The following WIPF2 variants were observed in gnomAD, a reference collection of about 807,000 sequenced individuals.
WIPF2 encodes WAS/WASL interacting protein family member 2, also known as WAS/WASL-interacting protein family member 2.
Under a neutral mutation model 38.8 loss-of-function variants are expected in WIPF2, and 23 were observed. That is an observed-to-expected ratio of 0.59 (90% CI 0.43 to 0.84). The LOEUF is 0.84. Among genes scored for constraint, WIPF2 ranks in the 40% least tolerant of loss-of-function variants. WIPF2 has a pLI of 0.00. For missense variants in WIPF2, 574 were observed against 580.5 expected (o/e 0.99, Z 0.11); for synonymous variants, 210 against 223.2 (o/e 0.94, Z 0.53).
At chr17:40,270,198 TC>T (rs1310654024) in intron 5 of WIPF2, among the ~76,000 whole-genome samples, 1 of 150,890 alleles carries the variant, frequency 6.6e-6, no homozygotes, top group Non-Finnish European at 1.5e-5. Flanking sequence ...ACCCTGTCTC[TC>T]TACTAAAAAT....
At chr17:40,228,926 T>TA (rs1598466237) in intron 1 of WIPF2, among the ~76,000 whole-genome samples, 2 of 151,892 alleles carry the variant, frequency 1.3e-5, no homozygotes. Context: ...GTCTTCCACT[T>TA]ACGGTGGAAG....
chr17:40,246,232 G>A (rs568970519), intron 1 of WIPF2, among the ~76,000 whole-genome samples: 158 of 149,300 alleles, frequency 1.1e-3, no homozygotes, highest in Middle Eastern at 3.6e-3. Context: ...GATTACAGGC[G>A]CGCACCACCA....
In WIPF2 at chr17:40,281,579, G is replaced by C. The variant is rs1015020875; in HGVS notation, c.*3354G>C. 12 of 152,460 alleles carry C rather than the reference G, an allele frequency of 7.9e-5. No homozygotes were observed. Among genetic ancestry groups the C allele is most frequent in the African/African-American group, 2.9e-4 (12 of 41,434 alleles). 9.4% of individuals were successfully genotyped at this position (152,460 alleles called of 1,614,324 possible). On this transcript the variant is annotated 3_prime_UTR_variant, in exon 8 of 8. Coordinates refer to ENST00000323571, the MANE Select transcript of WIPF2 (RefSeq NM_133264.5). The stretch of plus-strand genomic sequence containing the variant: ...AGCCCTGTTAACTGGCAGTGGCAAG[G>C]ATACTCGTCATCGGCCATTGCACTG...
At position 40,278,428 on chromosome 17, in the gene WIPF2, G is replaced by T; in HGVS notation, c.*203G>T. ...TTGGTGATCAGACTCTATATTGACA[G>T]TAGGATCTCAAACCCTGCATCCATC... On this transcript the variant is annotated 3_prime_UTR_variant, in exon 8 of 8. Transcript: ENST00000323571. The T allele has an allele frequency of 1.7e-6, 1 of 596,152 alleles. No homozygotes were observed. The highest frequency in any genetic ancestry group is 2.9e-6 in the Non-Finnish European group (1 of 344,530). The allele number at this position is 596,152 out of a possible 1,614,324, so 36.9% of individuals were successfully genotyped here. A position where few individuals can be genotyped will look rare whatever the true frequency, so the allele number is the denominator to read the frequency against.
chr17:40,250,945 G>A (rs1165226133), intron 1 of WIPF2, among the ~76,000 whole-genome samples: 2 of 115,550 alleles, frequency 1.7e-5, no homozygotes, highest in East Asian at 2.8e-4. Context: ...TTTGAGTCTC[G>A]CTTTGTCACC....
At chr17:40,271,022 G>A (rs2032235553) in intron 5 of WIPF2, among the ~76,000 whole-genome samples, 1 of 152,156 alleles carries the variant, frequency 6.6e-6, no homozygotes, top group African/African-American at 2.4e-5. Context: ...CACCAGGCTG[G>A]AGTGCAGTGG....
In WIPF2 at chr17:40,228,393, A is replaced by G. The variant is rs2030591803; in HGVS notation, c.-70+8901A>G. Among the ~76,000 whole-genome samples the G allele has an allele frequency of 2.6e-5, 4 of 152,076 alleles. No homozygotes were observed. In the South Asian group the frequency reaches 8.3e-4, roughly 31 times the overall value. The stretch of plus-strand genomic sequence containing the variant: ...ACCTACCTTACACTGATAGACATAC[A>G]CAGTTTCCAGTCTTTTGCTATTACA... On this transcript the variant is annotated intron_variant, in intron 1 of 7. Coordinates refer to ENST00000323571, the MANE Select transcript of WIPF2 (RefSeq NM_133264.5).
At chr17:40,244,191 CTG>C (rs1463524305) in intron 1 of WIPF2, among the ~76,000 whole-genome samples, 1 of 152,178 alleles carries the variant, frequency 6.6e-6, no homozygotes, top group African/African-American at 2.4e-5. Flanking sequence ...TGGAAACCCT[CTG>C]TTATAGTCTG....
At chr17:40,276,931 T>C in intron 6 of WIPF2, 152 bp from the exon 7 acceptor site, 1 of 642,368 alleles carries the variant, frequency 1.6e-6, no homozygotes, top group Non-Finnish European at 2.8e-6. Flanking sequence ...ATGCTGCTGC[T>C]GTTCTCAGGG....
rs2145423953 is a variant in WIPF2 at position 40,279,993 on chromosome 17, G to T, written c.*1768G>T. ...CAAGTCTCCCCAGTGCTAGGTGAGG[G>T]AGGGCTCAACGGGGGTAATGTGTAT... On this transcript the variant is annotated 3_prime_UTR_variant, in exon 8 of 8. Coordinates refer to ENST00000323571, the MANE Select transcript of WIPF2 (RefSeq NM_133264.5). 1 of 152,510 alleles carries T rather than the reference G, an allele frequency of 6.6e-6. No homozygotes were observed. The highest frequency in any genetic ancestry group is 1.9e-4 in the East Asian group (1 of 5,192). The allele number at this position is 152,510 out of a possible 1,614,324, so 9.4% of individuals were successfully genotyped here. A position where few individuals can be genotyped will look rare whatever the true frequency, so the allele number is the denominator to read the frequency against.
In WIPF2 at chr17:40,219,397, G is replaced by GCGGCGGCGGCGGCGA; in HGVS notation, c.-163_-162insGCGGCGGCGGCGACG. 1 of 415,380 alleles carries GCGGCGGCGGCGGCGA rather than the reference G, an allele frequency of 2.4e-6. No individual in the cohort carries two copies. The highest frequency in any genetic ancestry group is 4.6e-6 in the Non-Finnish European group (1 of 219,506). The allele number at this position is 415,380 out of a possible 1,614,324, so 25.7% of individuals were successfully genotyped here. On this transcript the variant is annotated 5_prime_UTR_variant, in exon 1 of 8. Coordinates refer to ENST00000323571, the MANE Select transcript of WIPF2 (RefSeq NM_133264.5). ...GGCGGCGGCGGCGGCGGCGGCGGCG[G>GCGGCGGCGGCGGCGA]CGACGGCGAGAAAGAGCTTGCCGGG...
chr17:40,224,839 T>A (rs534203313), intron 1 of WIPF2, among the ~76,000 whole-genome samples: 1 of 152,136 alleles, frequency 6.6e-6, no homozygotes, highest in African/African-American at 2.4e-5. Context: ...CTTGAAGCTG[T>A]GACTAACATT....
At chr17:40,263,971 T>C (rs1308880501) in intron 4 of WIPF2, among the ~76,000 whole-genome samples, 2 of 152,152 alleles carry the variant, frequency 1.3e-5, no homozygotes, top group Non-Finnish European at 2.9e-5. Context: ...CATAAAATTA[T>C]TACTTGTCAA....
intron 1 of WIPF2, among the ~76,000 whole-genome samples, chr17:40,221,634 G>A (rs2145262092): frequency 7.1e-6 from 1 of 141,206 alleles, no homozygotes; most frequent in Non-Finnish European, 1.5e-5. Flanking sequence ...AGGCTGGAGT[G>A]CAGTGGCGTG....
Position 40,274,864 on chromosome 17 carries a change from G to A in WIPF2, c.1180+865G>A, listed in dbSNP as rs574382486. Among the ~76,000 whole-genome samples the A allele has an allele frequency of 9.2e-4, 137 of 149,052 alleles. 1 individual carries two copies. In the South Asian group the frequency reaches 0.015, roughly 16 times the overall value. On this transcript the variant is annotated intron_variant, in intron 6 of 7. Transcript: ENST00000323571. Reference sequence around the variant, plus strand: ...AGGATTGCCTAAGTCCAGGGAGGTTGAGGCTGCAGCAAACCATTGATCACA... The same window carrying A: ...AGGATTGCCTAAGTCCAGGGAGGTTAAGGCTGCAGCAAACCATTGATCACA...
intron 6 of WIPF2, among the ~76,000 whole-genome samples, chr17:40,275,670 C>G (rs951877756): frequency 6.6e-6 from 1 of 152,064 alleles, no homozygotes; most frequent in African/African-American, 2.4e-5. Context: ...CTCAAGCAAT[C>G]CTCCCATCCT....
chr17:40,269,742 C>A (rs1456440375), intron 5 of WIPF2, among the ~76,000 whole-genome samples: 1 of 149,950 alleles, frequency 6.7e-6, no homozygotes, highest in East Asian at 2.1e-4. Flanking sequence ...GTAGCTGGGA[C>A]TGCAGGCACC....
At chr17:40,236,765 C>G (rs913887362) in intron 1 of WIPF2, among the ~76,000 whole-genome samples, 1 of 151,938 alleles carries the variant, frequency 6.6e-6, no homozygotes, top group Non-Finnish European at 1.5e-5. Flanking sequence ...CCCACCATCA[C>G]GGCCGGCTAA....
At chr17:40,251,062 C>T (rs1261724408) in intron 1 of WIPF2, among the ~76,000 whole-genome samples, 5 of 151,866 alleles carry the variant, frequency 3.3e-5, no homozygotes, top group South Asian at 2.1e-4. Flanking sequence ...TACAGGCGCC[C>T]GCCACCACGC....
Sources: allele counts gnomAD v4.1 joint callset (sites outside exome capture counted in the v4.1 genomes callset), GRCh38; gene constraint gnomAD v4.1.1; transcripts MANE v1.5; gene names NCBI Gene and HGNC (gene_info 2026-07-23, HGNC 2026-07-21).